The following SORT1 variants were observed in gnomAD, a reference collection of about 807,000 sequenced individuals.
SORT1 encodes the protein sortilin.
A neutral mutation model predicts 101.7 loss-of-function variants in SORT1; 39 were observed. That is an observed-to-expected ratio of 0.38 (90% CI 0.30 to 0.50). The LOEUF (loss-of-function observed/expected upper bound fraction) is 0.50, where lower values mean the gene tolerates loss of function less well. Ranked by LOEUF, SORT1 falls within the 20% of genes least tolerant of loss-of-function variation. The pLI is 0.90. For missense variants in SORT1, 878 were observed against 1,040.4 expected (o/e 0.84, Z 2.15); for synonymous variants, 396 against 393.7 (o/e 1.01, Z -0.07).
chr1:109,323,349 G>A (rs1647770302), intron 14 of SORT1, among the ~76,000 whole-genome samples: 1 of 152,202 alleles, frequency 6.6e-6, no homozygotes, highest in South Asian at 2.1e-4. Flanking sequence ...ATCCATCTGA[G>A]GATTAGGAAA....
intron 3 of SORT1, among the ~76,000 whole-genome samples, chr1:109,357,771 A>G (rs1180122454): frequency 6.6e-6 from 1 of 152,216 alleles, no homozygotes; most frequent in Non-Finnish European, 1.5e-5. Context: ...CCTTAAGTAC[A>G]TACACACACA....
chr1:109,342,942 T>C (rs1033119241), intron 8 of SORT1, among the ~76,000 whole-genome samples: 1 of 152,174 alleles, frequency 6.6e-6, no homozygotes, highest in African/African-American at 2.4e-5. Context: ...TACATTTAAC[T>C]TATTCAACTT....
intron 14 of SORT1, 99 bp from the exon 15 acceptor site, chr1:109,323,220 G>T: frequency 1.2e-6 from 1 of 803,336 alleles, no homozygotes; most frequent in Non-Finnish European, 2.0e-6. Context: ...AGGGAAAGTG[G>T]GAATGTCTGA....
At chr1:109,373,030 G>A (rs1458478048) in intron 1 of SORT1, among the ~76,000 whole-genome samples, 1 of 152,052 alleles carries the variant, frequency 6.6e-6, no homozygotes, top group Non-Finnish European at 1.5e-5. Flanking sequence ...ACTCTAGCCT[G>A]TGCGACAGGG....
chr1:109,360,184 A>G (rs545897708), intron 3 of SORT1, among the ~76,000 whole-genome samples: 1 of 152,224 alleles, frequency 6.6e-6, no homozygotes, highest in South Asian at 2.1e-4. Context: ...AGTATACAAA[A>G]TTTAGTTGAG....
At chr1:109,341,343 T>C (rs1339808065) in intron 9 of SORT1, among the ~76,000 whole-genome samples, 2 of 151,894 alleles carry the variant, frequency 1.3e-5, no homozygotes, top group East Asian at 3.9e-4. Flanking sequence ...ACAAAATATA[T>C]GCCCCTAAGT....
At chr1:109,395,967 C>T (rs1319547391) in intron 1 of SORT1, among the ~76,000 whole-genome samples, 1 of 151,634 alleles carries the variant, frequency 6.6e-6, no homozygotes, top group East Asian at 1.9e-4. Context: ...ACCAGTAGTC[C>T]CGGCTACTTG....
At chr1:109,363,221 T>A (rs148013123) in intron 3 of SORT1, among the ~76,000 whole-genome samples, 8 of 152,168 alleles carry the variant, frequency 5.3e-5, no homozygotes, top group African/African-American at 1.9e-4. Flanking sequence ...CAATGAAAAG[T>A]TGGACTCAAG....
chr1:109,389,070 C>T (rs1488355189), intron 1 of SORT1, among the ~76,000 whole-genome samples: 2 of 152,208 alleles, frequency 1.3e-5, no homozygotes, highest in Non-Finnish European at 2.9e-5. Flanking sequence ...ATGCCTCATC[C>T]GTCTGCTTTA....
At chr1:109,343,705 G>A (rs973232396) in intron 8 of SORT1, among the ~76,000 whole-genome samples, 1 of 152,138 alleles carries the variant, frequency 6.6e-6, no homozygotes, top group African/African-American at 2.4e-5. Context: ...CTGGAGTGCA[G>A]TGGCATGATC....
chr1:109,313,843 C>T lies in SORT1; in HGVS notation c.*200G>A, dbSNP rs533651964. The T allele has an allele frequency of 1.8e-6, 1 of 555,960 alleles. No individual in the cohort carries two copies. Among genetic ancestry groups the T allele is most frequent in the East Asian group, 3.0e-5 (1 of 33,668 alleles). 34.4% of individuals were successfully genotyped at this position (555,960 alleles called of 1,614,324 possible). A position where few individuals can be genotyped will look rare whatever the true frequency, so the allele number is the denominator to read the frequency against. On this transcript the variant is annotated 3_prime_UTR_variant, in exon 20 of 20. Transcript: ENST00000256637. ...TAAAATGTCTCCCTTTTTCTCAGAG[C>T]CAATTGTAAAAAAGTGCTCAGGGTT...
intron 12 of SORT1, 150 bp from the exon 13 acceptor site, chr1:109,327,310 A>G: frequency 2.4e-6 from 2 of 818,068 alleles, no homozygotes; most frequent in East Asian, 5.4e-5. Flanking sequence ...AACTTCGGAG[A>G]AGTTGTGTTG....
intron 1 of SORT1, among the ~76,000 whole-genome samples, chr1:109,371,544 G>A (rs1651483628): frequency 6.6e-6 from 1 of 152,172 alleles, no homozygotes; most frequent in South Asian, 2.1e-4. Flanking sequence ...TCTTCATCAG[G>A]CTGTAAGATA....
chr1:109,351,983 TGTG>T (rs1649999419), intron 5 of SORT1, among the ~76,000 whole-genome samples: 19 of 151,790 alleles, frequency 1.3e-4, no homozygotes, highest in Non-Finnish European at 2.6e-4. Flanking sequence ...TGTGTGTGTG[TGTG>T]TGTGTGTGTG....
At chr1:109,325,270 A>G (rs12045346) in intron 13 of SORT1, among the ~76,000 whole-genome samples, 181 bp from the exon 14 acceptor site, 98,320 of 138,386 alleles carry the variant, frequency 0.71, 34,993 homozygotes, top group East Asian at 0.96. Context: ...ATGGAGTCTC[A>G]CTCTGTCACC....
Position 109,311,423 on chromosome 1 carries a change from T to C in SORT1, c.*2620A>G, listed in dbSNP as rs1658724482. ...TATTTTTTTAGAAGCTGTAACAGAT[T>C]TGGGCTTTCTTACTCTCTGGCTGAG... On this transcript the variant is annotated 3_prime_UTR_variant, in exon 20 of 20. Transcript: ENST00000256637. The C allele has an allele frequency of 6.6e-6, 1 of 152,246 alleles. No homozygotes were observed. Among genetic ancestry groups the C allele is most frequent in the Non-Finnish European group, 1.5e-5 (1 of 68,042 alleles). The allele number at this position is 152,246 out of a possible 1,614,324, so 9.4% of individuals were successfully genotyped here.
chr1:109,368,178 C>CAGCT (rs372777884), intron 2 of SORT1, among the ~76,000 whole-genome samples: 1 of 151,602 alleles, frequency 6.6e-6, no homozygotes, highest in African/African-American at 2.4e-5. Flanking sequence ...CCTGTAGTCC[C>CAGCT]AGCTTCTTGG....
rs1469041156 is a variant in SORT1 at position 109,311,330 on chromosome 1, C to T, written c.*2713G>A. On this transcript the variant is annotated 3_prime_UTR_variant, in exon 20 of 20. Coordinates refer to ENST00000256637, the MANE Select transcript of SORT1 (RefSeq NM_002959.7). ...CTGCTACATCAAGCCTGGGAGTTTACACAATGATACACTATGTTTTACCTT... is the reference window on the plus strand; with the variant it reads ...CTGCTACATCAAGCCTGGGAGTTTATACAATGATACACTATGTTTTACCTT... The T allele has an allele frequency of 6.6e-6, 1 of 152,244 alleles. No homozygotes were observed. The highest frequency in any genetic ancestry group is 1.5e-5 in the Non-Finnish European group (1 of 68,036). The allele number at this position is 152,244 out of a possible 1,614,324, so 9.4% of individuals were successfully genotyped here. A position where few individuals can be genotyped will look rare whatever the true frequency, so the allele number is the denominator to read the frequency against.
chr1:109,329,654 A>T (rs1648327937), intron 11 of SORT1, among the ~76,000 whole-genome samples: 1 of 152,250 alleles, frequency 6.6e-6, no homozygotes, highest in South Asian at 2.1e-4. Flanking sequence ...TCAATTCATC[A>T]AGAGCATATA....
Sources: gnomAD v4.1 joint callset for allele counts (sites outside exome capture counted in the v4.1 genomes callset) on GRCh38, gnomAD v4.1.1 for gene constraint, MANE v1.5 for transcripts, NCBI Gene and HGNC (gene_info 2026-07-23, HGNC 2026-07-21) for gene names.